AGBL1: variants seen among roughly 807,000 people sequenced by gnomAD.
The protein encoded by AGBL1 is cytosolic carboxypeptidase 4.
Under a neutral mutation model 118.9 loss-of-function variants are expected in AGBL1, and 130 were observed. That is an observed-to-expected ratio of 1.09 (90% CI 0.95 to 1.26). AGBL1 has a LOEUF of 1.26. Ranked by LOEUF, AGBL1 falls within the 50% of genes most tolerant of loss-of-function variation. The pLI, the probability that AGBL1 is intolerant of heterozygous loss-of-function variation, is 0.00. For synonymous variants in AGBL1, 555 were observed against 478.9 expected (o/e 1.16, Z -2.08); for missense variants, 1,584 against 1,298.1 (o/e 1.22, Z -3.38).
At chr15:86,185,864 C>A (rs536334749) in intron 5 of AGBL1, among the ~76,000 whole-genome samples, 140 of 152,190 alleles carry the variant, frequency 9.2e-4, no homozygotes, top group Non-Finnish European at 1.7e-3. Flanking sequence ...ATGTAACTAA[C>A]CTGCACGTTG....
At position 86,279,951 on chromosome 15, in the gene AGBL1, T is replaced by C. The variant is rs539842851; in HGVS notation, c.2220+168T>C. Among the ~76,000 whole-genome samples the C allele has an allele frequency of 2.6e-4, 39 of 152,314 alleles. No homozygotes were observed. The South Asian group carries it at 6.2e-3, about 24-fold the overall frequency. On this transcript the variant is annotated intron_variant, in intron 16 of 22. Transcript: ENST00000614907. The stretch of plus-strand genomic sequence containing the variant: ...TTTTGTTGTTACTGACTTGGTGCTT[T>C]CTAATTGTCCCATCTCCTTCCCTGG...
At chr15:86,773,512 C>G (rs567566081) in intron 22 of AGBL1, among the ~76,000 whole-genome samples, 1 of 122,644 alleles carries the variant, frequency 8.2e-6, no homozygotes. Context: ...CTCCCCCCAC[C>G]CCACAACAGG....
intron 22 of AGBL1, among the ~76,000 whole-genome samples, chr15:86,719,917 T>C (rs892847151): frequency 6.6e-6 from 1 of 152,206 alleles, no homozygotes; most frequent in Non-Finnish European, 1.5e-5. Flanking sequence ...GTGACACTTC[T>C]TTCCAGCCTC....
chr15:86,432,204 T>A (rs2081943165), intron 18 of AGBL1, among the ~76,000 whole-genome samples: 1 of 152,250 alleles, frequency 6.6e-6, no homozygotes, highest in South Asian at 2.1e-4. Context: ...TAAGCCAATG[T>A]TAAGACATTT....
chr15:86,786,549 T>C (rs2078415632), intron 22 of AGBL1, among the ~76,000 whole-genome samples: 1 of 152,200 alleles, frequency 6.6e-6, no homozygotes, highest in African/African-American at 2.4e-5. Flanking sequence ...ACAAATAAAA[T>C]GGTTATCCTC....
At position 86,306,236 on chromosome 15, in the gene AGBL1, G is replaced by A. The variant is rs529349179; in HGVS notation, c.2374+10828G>A. Among the ~76,000 whole-genome samples the A allele has an allele frequency of 7.9e-5, 12 of 151,808 alleles. No homozygotes were observed. In the South Asian group the frequency reaches 2.5e-3, roughly 32 times the overall value. ...ATTATTGACTATAGTCACCCCATTG[G>A]GCTATCAAATAGTAGGTCTTAGTCA... On this transcript the variant is annotated intron_variant, in intron 17 of 22. Transcript: ENST00000614907.
intron 18 of AGBL1, among the ~76,000 whole-genome samples, chr15:86,469,306 T>C (rs185242602): frequency 3.9e-5 from 6 of 152,322 alleles, no homozygotes; most frequent in Admixed American, 6.5e-5. Flanking sequence ...AGAAGTTTTT[T>C]AGATTCCACA....
At chr15:86,309,049 T>C (rs1373584782) in intron 17 of AGBL1, among the ~76,000 whole-genome samples, 1 of 152,240 alleles carries the variant, frequency 6.6e-6, no homozygotes, top group Non-Finnish European at 1.5e-5. Context: ...TTTCAACCCA[T>C]GAACATGGTA....
chr15:86,491,163 G>A (rs1014265809), intron 18 of AGBL1, among the ~76,000 whole-genome samples: 1 of 152,068 alleles, frequency 6.6e-6, no homozygotes, highest in African/African-American at 2.4e-5. Flanking sequence ...ACAGAAGAGG[G>A]TATTTTTCTC....
At chr15:86,735,647 C>T (rs2077582795) in intron 22 of AGBL1, among the ~76,000 whole-genome samples, 1 of 112,532 alleles carries the variant, frequency 8.9e-6, no homozygotes, top group Non-Finnish European at 1.8e-5. Context: ...TTTCCTGCTA[C>T]AAAGAGAGAT....
At chr15:86,655,441 A>G (rs2085447258) in intron 21 of AGBL1, among the ~76,000 whole-genome samples, 2 of 152,332 alleles carry the variant, frequency 1.3e-5, no homozygotes, top group Non-Finnish European at 2.9e-5. Flanking sequence ...ACTATTGAGT[A>G]TCTCCAAACT....
In AGBL1 at chr15:86,438,657, CTTTT is replaced by C. The variant is rs35937855; in HGVS notation, c.2555+41127_2555+41130del. 4.3e-3 allele frequency among the ~76,000 whole-genome samples: 560 copies of C among 131,590 alleles called. 1 individual carries two copies. Among genetic ancestry groups the C allele is most frequent in the African/African-American group, 7.2e-3 (254 of 35,126 alleles). 86.3% of individuals were successfully genotyped at this position (131,590 alleles called of 152,430 possible). ...TTCGTATATAACTGATAATCTGTCT[CTTTT>C]TTTTTTTTTTTTTTTCTTGAGGTGG... On this transcript the variant is annotated intron_variant, in intron 18 of 22. Coordinates refer to ENST00000614907, the MANE Select transcript of AGBL1 (RefSeq NM_001386094.1).
At chr15:86,814,566 C>T (rs147300867) in intron 22 of AGBL1, among the ~76,000 whole-genome samples, 23 of 152,298 alleles carry the variant, frequency 1.5e-4, no homozygotes, top group African/African-American at 5.5e-4. Context: ...GGATAGTCTC[C>T]ATATTCCATC....
chr15:86,409,779 C>T (rs369831869), intron 18 of AGBL1, among the ~76,000 whole-genome samples: 1 of 152,156 alleles, frequency 6.6e-6, no homozygotes, highest in East Asian at 1.9e-4. Flanking sequence ...TCAGGAAATG[C>T]ACTTGTTTTG....
At chr15:86,925,447 T>A (rs1207742689) in intron 23 of AGBL1, among the ~76,000 whole-genome samples, 1 of 152,138 alleles carries the variant, frequency 6.6e-6, no homozygotes, top group Non-Finnish European at 1.5e-5. Flanking sequence ...TTCAAGAAAA[T>A]ATGATACTGA....
chr15:86,891,874 G>C (rs983558122), intron 22 of AGBL1, among the ~76,000 whole-genome samples: 2 of 152,128 alleles, frequency 1.3e-5, no homozygotes, highest in African/African-American at 2.4e-5. Flanking sequence ...AATGTGGTTT[G>C]GTTCAGTGGA....
chr15:86,465,315 G>A (rs1013179574), intron 18 of AGBL1, among the ~76,000 whole-genome samples: 1 of 152,048 alleles, frequency 6.6e-6, no homozygotes, highest in African/African-American at 2.4e-5. Flanking sequence ...ATCTTCATAA[G>A]CTGAGGATGT....
intron 3 of AGBL1, among the ~76,000 whole-genome samples, chr15:86,150,472 A>G (rs566248902): frequency 6.6e-6 from 1 of 152,308 alleles, no homozygotes; most frequent in African/African-American, 2.4e-5. Context: ...AACAGAAACT[A>G]CCATCAGAGA....
rs144925104 is a variant in AGBL1, at chr15:86,215,817, C to T, written c.489-9097C>T. On this transcript the variant is annotated intron_variant, in intron 5 of 22. Transcript: ENST00000614907. Reference sequence around the variant, plus strand: ...ATCACTCCAATTGTACCATGAAGAACAGTTTGAACGGGTCCTAGAGTGGAT... The same window carrying T: ...ATCACTCCAATTGTACCATGAAGAATAGTTTGAACGGGTCCTAGAGTGGAT... 2.7e-4 allele frequency among the ~76,000 whole-genome samples: 41 copies of T among 152,310 alleles called. 1 individual carries two copies. In the East Asian group the frequency reaches 5.8e-3, roughly 21 times the overall value.
Sources: gnomAD v4.1 joint callset for allele counts (sites outside exome capture counted in the v4.1 genomes callset) on GRCh38, gnomAD v4.1.1 for gene constraint, MANE v1.5 for transcripts, NCBI Gene and HGNC (gene_info 2026-07-23, HGNC 2026-07-21) for gene names.